The following NHSL1 variants were observed in gnomAD, a reference collection of about 807,000 sequenced individuals.
NHSL1 encodes the protein NHS-like protein 1.
Under a neutral mutation model 95.0 loss-of-function variants are expected in NHSL1, and 48 were observed. The observed-to-expected ratio is 0.51, with a 90% confidence interval of 0.40 to 0.64. NHSL1 has a LOEUF of 0.64. Ranked by LOEUF, NHSL1 falls within the 30% of genes least tolerant of loss-of-function variation. The pLI, the probability that NHSL1 is intolerant of heterozygous loss-of-function variation, is 0.00. For missense variants in NHSL1, 1,971 were observed against 2,077.7 expected (o/e 0.95, Z 1.00); for synonymous variants, 783 against 833.9 (o/e 0.94, Z 1.05).
chr6:138,625,747 T>A (rs1338960497), intron 1 of NHSL1, among the ~76,000 whole-genome samples: 2 of 151,560 alleles, frequency 1.3e-5, no homozygotes, highest in African/African-American at 4.9e-5. Flanking sequence ...GGGCTCAAGA[T>A]CCTCCCACCT....
intron 5 of NHSL1, among the ~76,000 whole-genome samples, chr6:138,435,689 A>C (rs11965940): frequency 0.022 from 3,242 of 149,384 alleles, 101 homozygotes; most frequent in African/African-American, 0.071. Context: ...GCTTAGCTTT[A>C]TTGTGCATTG....
At chr6:138,497,200 C>G (rs74681534) in intron 1 of NHSL1, among the ~76,000 whole-genome samples, 1 of 152,130 alleles carries the variant, frequency 6.6e-6, no homozygotes, top group Non-Finnish European at 1.5e-5. Context: ...CCTGACAACA[C>G]GAGCTAAGTT....
rs968754180 is a variant in NHSL1, at chr6:138,432,305, G to T, written c.2040C>A (p.Ser680=). ...TGCTCTTCTTGGGAATCCTGCGGAG[G>T]GAGTCTGTCCGGGAGGGTGGCAGGG... ...KPPLPPSRTD[S]LRRIPKKSSQ... The change falls in exon 6 of 8, where the codon TCC becomes TCA. Residue 680 remains serine (S), a synonymous_variant. Transcript: ENST00000343505. This position sits in a 1 kb window ranked among gnomAD's most constrained non-coding sequence, Gnocchi z 4.4. The T allele has an allele frequency of 1.3e-6, 2 of 1,551,516 alleles. No individual in the cohort carries two copies. The highest frequency in any genetic ancestry group is 1.7e-6 in the Non-Finnish European group (2 of 1,146,992).
At chr6:138,426,940 A>G (rs1405406584) in intron 7 of NHSL1, among the ~76,000 whole-genome samples, 1 of 152,224 alleles carries the variant, frequency 6.6e-6, no homozygotes, top group South Asian at 2.1e-4. Context: ...GCTAGAAAAG[A>G]CGTTAGAAAT....
At chr6:138,564,336 C>A (rs771321342) in intron 1 of NHSL1, among the ~76,000 whole-genome samples, 1 of 152,058 alleles carries the variant, frequency 6.6e-6, no homozygotes, top group South Asian at 2.1e-4. Flanking sequence ...CCTTGTTCCC[C>A]TTTGATCCAT....
In NHSL1 at chr6:138,599,682, C is replaced by T. The variant is rs1403457532; in HGVS notation, c.96+92794G>A. On this transcript the variant is annotated intron_variant, in intron 1 of 3. Coordinates refer to the NHSL1 transcript ENST00000491526. ...GAGATACCTTAAGATGATCAAATCA[C>T]AAATGCTCAGTTAAGTCCAATCAGA... 2.0e-5 allele frequency among the ~76,000 whole-genome samples: 3 copies of T among 152,162 alleles called. 1 individual carries two copies. The highest frequency in any genetic ancestry group is 7.2e-5 in the African/African-American group (3 of 41,420).
chr6:138,481,304 C>T (rs1779403749), intron 2 of NHSL1, among the ~76,000 whole-genome samples: 1 of 152,062 alleles, frequency 6.6e-6, no homozygotes, highest in African/African-American at 2.4e-5. Flanking sequence ...ATTTATTTAC[C>T]TACCCCTTCA....
chr6:138,600,903 C>T (rs1035348464), intron 1 of NHSL1, among the ~76,000 whole-genome samples: 1 of 152,174 alleles, frequency 6.6e-6, no homozygotes, highest in Non-Finnish European at 1.5e-5. Context: ...ACAAAAATCA[C>T]TGTGTGTCAG....
intron 5 of NHSL1, among the ~76,000 whole-genome samples, chr6:138,436,507 G>A (rs977626245): frequency 2.0e-5 from 3 of 152,244 alleles, no homozygotes; most frequent in African/African-American, 7.2e-5. Context: ...GTTGTTTCAT[G>A]AGGTTGAAGG....
intron 3 of NHSL1, among the ~76,000 whole-genome samples, chr6:138,450,368 C>T (rs1583195011): frequency 6.6e-6 from 1 of 152,176 alleles, no homozygotes; most frequent in East Asian, 1.9e-4. Context: ...CAGTATAAAG[C>T]TTGAAGGCAG....
At chr6:138,495,186 T>C (rs1780277215) in intron 2 of NHSL1, among the ~76,000 whole-genome samples, 1 of 151,518 alleles carries the variant, frequency 6.6e-6, no homozygotes, top group Admixed American at 6.6e-5. Flanking sequence ...GAGGTTGCAG[T>C]GAGCCGAGAT....
Position 138,442,222 on chromosome 6 carries a change from T to C in NHSL1, c.533-108A>G, listed in dbSNP as rs999585926. The C allele has an allele frequency of 1.4e-5, 16 of 1,131,244 alleles. No homozygotes were observed. The South Asian group carries it at 1.6e-4, about 12-fold the overall frequency. 70.1% of individuals were successfully genotyped at this position (1,131,244 alleles called of 1,614,324 possible). On this transcript the variant is annotated intron_variant, in intron 4 of 7. Transcript: ENST00000343505. Reference sequence around the variant, plus strand: ...TAAAATGATAAGAAGGTATTAATAATGTTAGCCAGTCATATGATGATGAAT... The same window carrying C: ...TAAAATGATAAGAAGGTATTAATAACGTTAGCCAGTCATATGATGATGAAT...
intron 1 of NHSL1, among the ~76,000 whole-genome samples, chr6:138,630,686 A>G (rs1011639232): frequency 6.6e-6 from 1 of 152,138 alleles, no homozygotes; most frequent in African/African-American, 2.4e-5. Flanking sequence ...ACCCAGCCTT[A>G]AGTTTCCATT....
intron 1 of NHSL1, among the ~76,000 whole-genome samples, chr6:138,532,335 G>A (rs117002280): frequency 6.6e-6 from 1 of 152,308 alleles, no homozygotes; most frequent in Non-Finnish European, 1.5e-5. Context: ...AGTGGTGGTA[G>A]GGAACTGAAG....
chr6:138,662,182 CTAAA>C (rs774291550), intron 1 of NHSL1, among the ~76,000 whole-genome samples: 81 of 151,420 alleles, frequency 5.3e-4, no homozygotes, highest in Middle Eastern at 3.4e-3. Flanking sequence ...ATCCTTTGCC[CTAAA>C]TAGTTATCTT....
chr6:138,460,735 C>A (rs952960428), intron 3 of NHSL1, among the ~76,000 whole-genome samples: 3 of 151,500 alleles, frequency 2.0e-5, no homozygotes, highest in African/African-American at 7.3e-5. Context: ...TCATAAAATT[C>A]TCTGCTTAAA....
intron 1 of NHSL1, among the ~76,000 whole-genome samples, chr6:138,537,215 T>C (rs138959703): frequency 2.4e-4 from 37 of 152,380 alleles, no homozygotes; most frequent in African/African-American, 8.2e-4. Flanking sequence ...TTGTCTCAAT[T>C]GCTGTGGCAG....
intron 1 of NHSL1, among the ~76,000 whole-genome samples, chr6:138,587,074 G>A (rs1388565591): frequency 1.3e-5 from 2 of 151,942 alleles, no homozygotes; most frequent in Non-Finnish European, 2.9e-5. Context: ...CTAGGTTCAA[G>A]CGATTCTCCT....
chr6:138,673,806 G>A (rs892236034), intron 1 of NHSL1, among the ~76,000 whole-genome samples: 1 of 152,120 alleles, frequency 6.6e-6, no homozygotes, highest in Non-Finnish European at 1.5e-5. Context: ...TTCTTTACAC[G>A]ATTAACATGA....
Sources: gnomAD v4.1 joint callset for allele counts (sites outside exome capture counted in the v4.1 genomes callset) on GRCh38, gnomAD v4.1.1 for gene constraint, Gnocchi (gnomAD v3.1) non-coding constraint, MANE v1.5 for transcripts, NCBI Gene and HGNC (gene_info 2026-07-23, HGNC 2026-07-21) for gene names.